MARCHF1: variants seen among roughly 807,000 people sequenced by gnomAD.
The protein encoded by MARCHF1 is E3 ubiquitin-protein ligase MARCHF1.
MARCHF1 carries 40 observed loss-of-function variants against 54.2 expected under a neutral mutation model. The observed-to-expected ratio is 0.74, with a 90% CI of 0.57 to 0.96. The LOEUF (loss-of-function observed/expected upper bound fraction) is 0.96, where lower values mean the gene tolerates loss of function less well. Among genes scored for constraint, MARCHF1 ranks in the 40% least tolerant of loss-of-function variants. The probability of loss-of-function intolerance (pLI) is 0.00; values close to 1 mark genes in which losing one functional copy is unlikely to be tolerated. For synonymous variants in MARCHF1, 236 were observed against 236.3 expected (o/e 1.00, Z 0.01); for missense variants, 586 against 656.5 (o/e 0.89, Z 1.17).
At chr4:163,716,990 TATTTA>T (rs557756367) in intron 4 of MARCHF1, among the ~76,000 whole-genome samples, 145 of 152,304 alleles carry the variant, frequency 9.5e-4, no homozygotes, top group Non-Finnish European at 3.4e-4. Flanking sequence ...ACATTTATTT[TATTTA>T]CTTATTTATT....
chr4:163,801,014 C>T (rs1748067962), intron 4 of MARCHF1, among the ~76,000 whole-genome samples: 1 of 152,112 alleles, frequency 6.6e-6, no homozygotes, highest in Non-Finnish European at 1.5e-5. Context: ...CTGAAATACT[C>T]ATGGGAAGAA....
At chr4:163,654,336 T>G (rs890811523) in intron 5 of MARCHF1, among the ~76,000 whole-genome samples, 1 of 151,510 alleles carries the variant, frequency 6.6e-6, no homozygotes, top group African/African-American at 2.4e-5. Flanking sequence ...AAAGGAAAAT[T>G]TGGGGCAGAT....
At chr4:163,878,185 C>T (rs1038744124) in intron 3 of MARCHF1, among the ~76,000 whole-genome samples, 7 of 152,224 alleles carry the variant, frequency 4.6e-5, no homozygotes, top group African/African-American at 1.2e-4. Context: ...AGACACTTTC[C>T]GAATACCAGC....
chr4:164,240,698 T>G (rs1732715278), intron 1 of MARCHF1, among the ~76,000 whole-genome samples: 1 of 152,138 alleles, frequency 6.6e-6, no homozygotes, highest in South Asian at 2.1e-4. Flanking sequence ...ACAAGCTAAC[T>G]GCCCTGGCTC....
At chr4:163,623,351 G>T (rs1741751730) in intron 5 of MARCHF1, among the ~76,000 whole-genome samples, 1 of 152,162 alleles carries the variant, frequency 6.6e-6, no homozygotes, top group Non-Finnish European at 1.5e-5. Context: ...AGTTGTCTCT[G>T]GTACACTGGG....
chr4:163,979,088 A>T (rs7685128), intron 3 of MARCHF1, among the ~76,000 whole-genome samples: 1 of 114,208 alleles, frequency 8.8e-6, no homozygotes, highest in Non-Finnish European at 1.6e-5. Context: ...AGTTACATAT[A>T]TATACATGTG....
At chr4:164,101,263 A>T (rs9760652) in intron 2 of MARCHF1, among the ~76,000 whole-genome samples, 105,807 of 151,228 alleles carry the variant, frequency 0.7, 38,590 homozygotes, top group Non-Finnish European at 0.82. Flanking sequence ...ATCCCACCAC[A>T]GCTCAAGGAG....
chr4:163,603,158 G>A (rs1741027211), intron 7 of MARCHF1, among the ~76,000 whole-genome samples: 1 of 125,358 alleles, frequency 8.0e-6, no homozygotes, highest in Non-Finnish European at 1.8e-5. Context: ...AAGGTAAAGG[G>A]AAGTGTAATT....
rs1206340566 is a variant in MARCHF1, at chr4:163,581,075, T to C, written c.1191+4674A>G. Among the ~76,000 whole-genome samples, 8 of 41,956 alleles carry C rather than the reference T, an allele frequency of 1.9e-4. 3 individuals carry two copies. The highest frequency in any genetic ancestry group is 7.7e-4 in the African/African-American group (8 of 10,336). The allele number at this position is 41,956 out of a possible 152,430, so 27.5% of individuals were successfully genotyped here. Reference sequence around the variant, plus strand: ...CCTCGGCCTCCCAAAGTGCTGGGATTACAGGCGTGAGCCACCGCGCCCGGC... The same window carrying C: ...CCTCGGCCTCCCAAAGTGCTGGGATCACAGGCGTGAGCCACCGCGCCCGGC... On this transcript the variant is annotated intron_variant, in intron 8 of 9. Transcript: ENST00000514618.
In MARCHF1 at chr4:163,895,468, G is replaced by A. The variant is rs144613632; in HGVS notation, c.-38-41299C>T. Among the ~76,000 whole-genome samples, 921 of 152,206 alleles carry A rather than the reference G, an allele frequency of 6.1e-3. 8 individuals are homozygous for A. Among genetic ancestry groups the A allele is most frequent in the African/African-American group, 0.021 (852 of 41,504 alleles). On this transcript the variant is annotated intron_variant, in intron 3 of 9. Transcript: ENST00000514618. ...TTATGGGAAGGTAACTATCTAAACC[G>A]CAAATCACACTCTGCCACCTAAACC...
chr4:164,199,284 T>G (rs1731370762), intron 1 of MARCHF1, among the ~76,000 whole-genome samples: 1 of 152,200 alleles, frequency 6.6e-6, no homozygotes, highest in African/African-American at 2.4e-5. Flanking sequence ...AATAAACTTT[T>G]CACTGTCATT....
At chr4:163,967,149 G>A (rs1752457995) in intron 3 of MARCHF1, among the ~76,000 whole-genome samples, 1 of 152,108 alleles carries the variant, frequency 6.6e-6, no homozygotes, top group Non-Finnish European at 1.5e-5. Flanking sequence ...AGATCATTAA[G>A]GGACCTTGTA....
chr4:164,003,126 A>T (rs1393990973), intron 2 of MARCHF1, among the ~76,000 whole-genome samples: 1 of 151,940 alleles, frequency 6.6e-6, no homozygotes, highest in Non-Finnish European at 1.5e-5. Context: ...TCTGTGCAAA[A>T]TGGTATAAGG....
At chr4:164,289,518 T>A (rs1734233977) in intron 1 of MARCHF1, among the ~76,000 whole-genome samples, 2 of 151,450 alleles carry the variant, frequency 1.3e-5, no homozygotes, top group South Asian at 4.2e-4. Context: ...GCCACTTTTC[T>A]GTGAATTAAA....
chr4:163,895,435 C>G (rs1052278410), intron 3 of MARCHF1, among the ~76,000 whole-genome samples: 2 of 152,132 alleles, frequency 1.3e-5, no homozygotes, highest in African/African-American at 4.8e-5. Flanking sequence ...TGATAAGCAC[C>G]ATATTTGTTA....
intron 1 of MARCHF1, among the ~76,000 whole-genome samples, chr4:164,172,438 T>G (rs1730551205): frequency 6.6e-6 from 1 of 152,112 alleles, no homozygotes; most frequent in East Asian, 1.9e-4. Flanking sequence ...GACGATGTTA[T>G]AAAATATTAA....
intron 1 of MARCHF1, among the ~76,000 whole-genome samples, chr4:164,295,438 AT>A (rs1734385584): frequency 2.2e-5 from 2 of 90,130 alleles, no homozygotes; most frequent in South Asian, 6.7e-4. Context: ...ACACACACAC[AT>A]ACACACAAAC....
Position 164,124,524 on chromosome 4 carries a change from A to G in MARCHF1, c.-322-12862T>C, listed in dbSNP as rs562982270. Among the ~76,000 whole-genome samples, 10 of 152,328 alleles carry G rather than the reference A, an allele frequency of 6.6e-5. No individual in the cohort carries two copies. The East Asian group carries it at 7.7e-4, about 12-fold the overall frequency. ...ATAATAGCTAAGATTCTGAAGCAAC[A>G]TAAGTGTCCATCGACAGACAAATGG... On this transcript the variant is annotated intron_variant, in intron 1 of 9. Transcript: ENST00000514618.
chr4:164,245,440 G>A lies in MARCHF1; in HGVS notation c.-322-133778C>T, dbSNP rs955198531. Among the ~76,000 whole-genome samples the A allele has an allele frequency of 2.0e-5, 3 of 152,102 alleles. 1 individual carries two copies. In the South Asian group the frequency reaches 6.2e-4, roughly 32 times the overall value. On this transcript the variant is annotated intron_variant, in intron 1 of 9. Transcript: ENST00000514618. Reference sequence around the variant, plus strand: ...ACTCTCAATAAATTAGGTATTGATGGGACATATCTCAAAATAATAAGAGCT... The same window carrying A: ...ACTCTCAATAAATTAGGTATTGATGAGACATATCTCAAAATAATAAGAGCT...
Sources: gnomAD v4.1 joint callset for allele counts (sites outside exome capture counted in the v4.1 genomes callset) on GRCh38, gnomAD v4.1.1 for gene constraint, MANE v1.5 for transcripts, NCBI Gene and HGNC (gene_info 2026-07-23, HGNC 2026-07-21) for gene names.